Variants in PDE10A observed in about 807,000 individuals in gnomAD.
PDE10A encodes the protein cAMP and cAMP-inhibited cGMP 3',5'-cyclic phosphodiesterase 10A.
Under a neutral mutation model 97.7 loss-of-function variants are expected in PDE10A, and 39 were observed. The observed-to-expected ratio is 0.40, with a 90% CI of 0.31 to 0.52. The LOEUF is 0.52. Ranked by LOEUF, PDE10A falls within the 20% of genes least tolerant of loss-of-function variation. The pLI, the probability that PDE10A is intolerant of heterozygous loss-of-function variation, is 0.56. For synonymous variants in PDE10A, 371 were observed against 376.8 expected (o/e 0.98, Z 0.18); for missense variants, 731 against 1,047.8 (o/e 0.70, Z 4.17).
chr6:165,731,834 A>G (rs1448206289), intron 1 of PDE10A, among the ~76,000 whole-genome samples: 11 of 152,366 alleles, frequency 7.2e-5, no homozygotes, highest in Non-Finnish European at 4.4e-5. Context: ...TTCAATTGCC[A>G]ACAAGAATCC....
chr6:165,706,854 G>A (rs1791722808), intron 1 of PDE10A, among the ~76,000 whole-genome samples: 2 of 152,118 alleles, frequency 1.3e-5, no homozygotes, highest in Non-Finnish European at 2.9e-5. Flanking sequence ...TTTAAAAAAA[G>A]GAACACTATC....
At chr6:165,518,740 T>C (rs934735767) in intron 2 of PDE10A, among the ~76,000 whole-genome samples, 4 of 152,186 alleles carry the variant, frequency 2.6e-5, no homozygotes, top group Admixed American at 6.6e-5. Flanking sequence ...AAATTTTCTG[T>C]CCATGAAACC....
At chr6:165,570,934 C>G (rs1785020658) in intron 1 of PDE10A, among the ~76,000 whole-genome samples, 2 of 152,202 alleles carry the variant, frequency 1.3e-5, no homozygotes, top group Admixed American at 1.3e-4. Context: ...TCTGTACATG[C>G]ACATGTCCAC....
At chr6:165,479,547 A>G (rs1407962533) in intron 3 of PDE10A, among the ~76,000 whole-genome samples, 1 of 152,084 alleles carries the variant, frequency 6.6e-6, no homozygotes, top group East Asian at 1.9e-4. Context: ...CCTCTGAACC[A>G]CCATCACTCT....
intron 1 of PDE10A, among the ~76,000 whole-genome samples, chr6:165,782,758 C>A (rs1054959098): frequency 1.4e-4 from 21 of 152,186 alleles, no homozygotes; most frequent in Middle Eastern, 3.2e-3. Flanking sequence ...GACGTACTTA[C>A]CCATCCAGCA....
At chr6:165,348,592 T>C (rs985733505) in intron 18 of PDE10A, among the ~76,000 whole-genome samples, 1 of 152,204 alleles carries the variant, frequency 6.6e-6, no homozygotes, top group Non-Finnish European at 1.5e-5. Flanking sequence ...AGTTCACAGA[T>C]GATTGGTGGC....
intron 2 of PDE10A, among the ~76,000 whole-genome samples, chr6:165,485,460 T>A (rs1779852252): frequency 8.3e-6 from 1 of 121,192 alleles, no homozygotes; most frequent in Admixed American, 8.2e-5. Flanking sequence ...AGAGTGAGAC[T>A]CTGTCTCAAA....
intron 1 of PDE10A, among the ~76,000 whole-genome samples, chr6:165,677,945 C>A (rs1005036631): frequency 6.6e-6 from 1 of 150,566 alleles, no homozygotes; most frequent in Middle Eastern, 3.5e-3. Context: ...TTTGTATATC[C>A]GTGTGTGTGT....
At chr6:165,392,453 T>C (rs1446990295) in intron 16 of PDE10A, among the ~76,000 whole-genome samples, 193 bp downstream of exon 16, 1 of 152,228 alleles carries the variant, frequency 6.6e-6, no homozygotes, top group South Asian at 2.1e-4. Context: ...ATTTCTTTTA[T>C]CTACATTTCT....
At chr6:165,721,042 A>G (rs952189628) in intron 1 of PDE10A, among the ~76,000 whole-genome samples, 5 of 152,234 alleles carry the variant, frequency 3.3e-5, no homozygotes, top group African/African-American at 1.2e-4. Flanking sequence ...TGTTACACGG[A>G]ACAGTAACAT....
At chr6:165,378,079 C>A (rs1376591805) in intron 18 of PDE10A, among the ~76,000 whole-genome samples, 1 of 152,200 alleles carries the variant, frequency 6.6e-6, no homozygotes, top group Non-Finnish European at 1.5e-5. Flanking sequence ...ATAACTGCTG[C>A]TTATCCAAAA....
chr6:165,831,176 A>C (rs1366357176), intron 1 of PDE10A, among the ~76,000 whole-genome samples: 2 of 151,840 alleles, frequency 1.3e-5, no homozygotes, highest in Non-Finnish European at 2.9e-5. Flanking sequence ...CGAGGTCAAG[A>C]GATCGAGACC....
intron 13 of PDE10A, among the ~76,000 whole-genome samples, chr6:165,405,527 T>C (rs1468148194): frequency 1.3e-5 from 2 of 152,234 alleles, no homozygotes; most frequent in Non-Finnish European, 1.5e-5. Flanking sequence ...TAAGAGTTTA[T>C]TCATATGGAC....
intron 1 of PDE10A, among the ~76,000 whole-genome samples, chr6:165,638,021 C>T (rs1415416952): frequency 6.6e-6 from 1 of 152,152 alleles, no homozygotes; most frequent in Non-Finnish European, 1.5e-5. Context: ...CCAGCCCTCG[C>T]CTGCCGTTAG....
chr6:165,590,102 G>A (rs962339191), intron 1 of PDE10A, among the ~76,000 whole-genome samples: 1 of 152,188 alleles, frequency 6.6e-6, no homozygotes, highest in Non-Finnish European at 1.5e-5. Context: ...CTGAGGTTGA[G>A]GAAAGTTATT....
At chr6:165,845,388 C>G (rs1182717395) in intron 1 of PDE10A, among the ~76,000 whole-genome samples, 2 of 152,096 alleles carry the variant, frequency 1.3e-5, no homozygotes, top group African/African-American at 4.8e-5. Context: ...CAATTTACAC[C>G]AAAATGTCGA....
intron 1 of PDE10A, among the ~76,000 whole-genome samples, chr6:165,621,615 G>T (rs1178937020): frequency 6.6e-6 from 1 of 152,136 alleles, no homozygotes. Flanking sequence ...AATTAGCCAG[G>T]CATGGTGGCG....
chr6:165,641,958 G>A (rs1168296165), intron 1 of PDE10A, among the ~76,000 whole-genome samples: 1 of 152,234 alleles, frequency 6.6e-6, no homozygotes, highest in Non-Finnish European at 1.5e-5. Flanking sequence ...GAGTGGCAGA[G>A]GCGTGGCTGG....
At chr6:165,732,365 C>T (rs906277224) in intron 1 of PDE10A, among the ~76,000 whole-genome samples, 1 of 152,104 alleles carries the variant, frequency 6.6e-6, no homozygotes, top group African/African-American at 2.4e-5. Flanking sequence ...TGGGGCAGAC[C>T]CTGGGGGCAG....
Sources: allele counts gnomAD v4.1 joint callset (sites outside exome capture counted in the v4.1 genomes callset), GRCh38; gene constraint gnomAD v4.1.1; transcripts MANE v1.5; gene names NCBI Gene and HGNC (gene_info 2026-07-23, HGNC 2026-07-21).